DPH6: variants seen among roughly 807,000 people sequenced by gnomAD.
The protein encoded by DPH6 is diphthine--ammonia ligase.
DPH6 carries 33 observed loss-of-function variants against 38.2 expected under a neutral mutation model. The observed-to-expected ratio is 0.86, with a 90% CI of 0.65 to 1.15. DPH6 has a LOEUF of 1.15. Ranked by LOEUF, DPH6 falls within the 50% of genes most tolerant of loss-of-function variation. The probability of loss-of-function intolerance (pLI) is 0.00; values close to 1 mark genes in which losing one functional copy is unlikely to be tolerated. For missense variants in DPH6, 325 were observed against 320.0 expected, an observed-to-expected ratio of 1.02 and a Z score of -0.12; for synonymous variants, 108 against 103.0, an observed-to-expected ratio of 1.05 and a Z score of -0.30.
chr15:35,247,009 G>A (rs1486785612), intron 3 of DPH6, among the ~76,000 whole-genome samples: 1 of 152,098 alleles, frequency 6.6e-6, no homozygotes, highest in Non-Finnish European at 1.5e-5. Flanking sequence ...TGTTCATGTA[G>A]AGCAATTTTT....
chr15:35,194,376 A>AGG, the DPH6 span, among the ~76,000 whole-genome samples: 3 of 151,320 alleles, frequency 2.0e-5, no homozygotes, highest in African/African-American at 7.3e-5. Flanking sequence ...TTCCAGAGAG[A>AGG]GAGAGAGAGA....
intron 3 of DPH6, among the ~76,000 whole-genome samples, chr15:35,286,443 C>A (rs1183925553): frequency 6.6e-6 from 1 of 152,166 alleles, no homozygotes; most frequent in Non-Finnish European, 1.5e-5. Context: ...ACTCTCCATC[C>A]CTATGGGAAA....
chr15:35,164,591 A>G, the DPH6 span, among the ~76,000 whole-genome samples: 2 of 151,858 alleles, frequency 1.3e-5, no homozygotes, highest in Admixed American at 6.6e-5. Flanking sequence ...TTTATTGACC[A>G]TATTCTGTTT....
At chr15:35,197,471 C>G in the DPH6 span, among the ~76,000 whole-genome samples, 1 of 152,064 alleles carries the variant, frequency 6.6e-6, no homozygotes, top group African/African-American at 2.4e-5. Context: ...AAAAAAAAAT[C>G]TGATTAATGG....
intron 6 of DPH6, among the ~76,000 whole-genome samples, chr15:35,387,467 C>T (rs1039908450): frequency 6.6e-6 from 1 of 152,154 alleles, no homozygotes. Context: ...ATTCTTCCTA[C>T]CCAGGAGCAT....
At chr15:35,387,916 G>C (rs1458839900) in intron 6 of DPH6, among the ~76,000 whole-genome samples, 1 of 152,060 alleles carries the variant, frequency 6.6e-6, no homozygotes, top group Admixed American at 6.6e-5. Flanking sequence ...TCCCTGTCTT[G>C]TGCCAGTTTT....
chr15:35,428,811 C>T lies in DPH6; in HGVS notation c.506-17915G>A, dbSNP rs538407586. Among the ~76,000 whole-genome samples the T allele has an allele frequency of 4.6e-5, 7 of 152,150 alleles. No homozygotes were observed. The South Asian group carries it at 8.3e-4, about 18-fold the overall frequency. On this transcript the variant is annotated intron_variant, in intron 5 of 8. Transcript: ENST00000256538. ...TTTAAATAGCCCTCATATGGTACCA[C>T]TTGCTTGTCCTTTCATTGTTCTGGT... is the stretch of plus-strand genomic sequence containing the variant.
At chr15:35,287,412 T>C (rs1169857412) in intron 3 of DPH6, among the ~76,000 whole-genome samples, 1 of 152,172 alleles carries the variant, frequency 6.6e-6, no homozygotes, top group Non-Finnish European at 1.5e-5. Flanking sequence ...GTTACTTTCA[T>C]GTTACAGAAC....
chr15:35,227,691 T>C (rs1409793719), intron 3 of DPH6, among the ~76,000 whole-genome samples: 1 of 152,082 alleles, frequency 6.6e-6, no homozygotes, highest in Non-Finnish European at 1.5e-5. Flanking sequence ...CTCTGGCTTT[T>C]CTAGTTTTTA....
chr15:35,402,683 G>C (rs750653687), intron 6 of DPH6, among the ~76,000 whole-genome samples: 3 of 151,878 alleles, frequency 2.0e-5, no homozygotes, highest in Admixed American at 1.3e-4. Flanking sequence ...AAATTCTACA[G>C]AAGTTTAAGA....
intron 3 of DPH6, among the ~76,000 whole-genome samples, chr15:35,263,842 G>A (rs1219771057): frequency 6.6e-6 from 1 of 151,946 alleles, no homozygotes; most frequent in Non-Finnish European, 1.5e-5. Context: ...CTCCTGAGTA[G>A]CTGGGACTAC....
At chr15:35,175,702 C>T in the DPH6 span, among the ~76,000 whole-genome samples, 5 of 151,966 alleles carry the variant, frequency 3.3e-5, no homozygotes, top group Non-Finnish European at 7.4e-5. Flanking sequence ...TATTAAGGTA[C>T]CAACACATAA....
At chr15:35,167,717 C>T in the DPH6 span, among the ~76,000 whole-genome samples, 2,309 of 152,056 alleles carry the variant, frequency 0.015, 26 homozygotes, top group Middle Eastern at 0.041. Flanking sequence ...TGCAGCCTTG[C>T]TTCAAATTCA....
At chr15:35,506,267 ACT>A (rs1335807663) in intron 3 of DPH6, among the ~76,000 whole-genome samples, 1 of 152,098 alleles carries the variant, frequency 6.6e-6, no homozygotes, top group Non-Finnish European at 1.5e-5. Flanking sequence ...TTTAAAAAAA[ACT>A]CTGGAGCTTG....
intron 6 of DPH6, among the ~76,000 whole-genome samples, chr15:35,400,275 A>C (rs2053199478): frequency 6.6e-6 from 1 of 152,226 alleles, no homozygotes; most frequent in African/African-American, 2.4e-5. Flanking sequence ...TTATTACCTG[A>C]CTTAGCTGTG....
At chr15:35,420,996 T>C (rs1319084124) in intron 5 of DPH6, among the ~76,000 whole-genome samples, 2 of 151,918 alleles carry the variant, frequency 1.3e-5, no homozygotes, top group African/African-American at 4.8e-5. Flanking sequence ...TTAACAACAG[T>C]TAAATACAGT....
At chr15:35,298,837 T>C in intron 3 of DPH6, 2 of 1,063,432 alleles carry the variant, frequency 1.9e-6, no homozygotes, top group South Asian at 2.5e-5. Context: ...AATGGCAGTT[T>C]TGGAAGACTG....
chr15:35,532,362 GCT>G (rs2055101239), intron 3 of DPH6, among the ~76,000 whole-genome samples: 1 of 152,212 alleles, frequency 6.6e-6, no homozygotes, highest in Non-Finnish European at 1.5e-5. Context: ...TGATTAGGAG[GCT>G]CTCGCATAGT....
the DPH6 span, among the ~76,000 whole-genome samples, chr15:35,149,988 C>T: frequency 6.6e-6 from 1 of 152,098 alleles, no homozygotes; most frequent in African/African-American, 2.4e-5. Flanking sequence ...ATATGCGATC[C>T]CGATGCTTGT....
Sources: allele counts gnomAD v4.1 joint callset (sites outside exome capture counted in the v4.1 genomes callset), GRCh38; gene constraint gnomAD v4.1.1; transcripts MANE v1.5; gene names NCBI Gene and HGNC (gene_info 2026-07-23, HGNC 2026-07-21).